Variants in SHQ1 observed in about 807,000 individuals in gnomAD.
SHQ1 encodes protein SHQ1 homolog.
SHQ1 carries 49 observed loss-of-function variants against 53.8 expected under a neutral mutation model. The ratio of observed to expected loss-of-function variants is 0.91; its 90% CI spans 0.72 to 1.16. SHQ1 has a LOEUF of 1.16. Among genes scored for constraint, SHQ1 ranks in the 50% most tolerant of loss-of-function variants. SHQ1 has a pLI of 0.00. For synonymous variants in SHQ1, 243 were observed against 251.0 expected (o/e 0.97, Z 0.30); for missense variants, 738 against 683.1 (o/e 1.08, Z -0.90).
chr3:72,820,036 G>C (rs1440925952), intron 6 of SHQ1, among the ~76,000 whole-genome samples: 1 of 152,154 alleles, frequency 6.6e-6, no homozygotes, highest in Non-Finnish European at 1.5e-5. Context: ...TCTCTGACTA[G>C]AGAAAAGTCT....
intron 10 of SHQ1, among the ~76,000 whole-genome samples, chr3:72,763,114 G>A (rs1236798919): frequency 2.6e-5 from 4 of 151,466 alleles, no homozygotes; most frequent in Non-Finnish European, 5.9e-5. Flanking sequence ...TCTAGTACAA[G>A]GCAGAGAATA....
intron 1 of SHQ1, chr3:72,846,228 A>T (rs1313603971): frequency 6.5e-7 from 1 of 1,535,780 alleles, no homozygotes; most frequent in South Asian, 1.2e-5. Context: ...GGGCCTCCGC[A>T]GCTACAGTCT....
Position 72,817,175 on chromosome 3 carries a change from T to C in SHQ1, c.882+55A>G, listed in dbSNP as rs1707342922. The C allele has an allele frequency of 2.8e-5, 43 of 1,545,128 alleles. No individual in the cohort carries two copies. In the South Asian group the frequency reaches 5.2e-4, roughly 19 times the overall value. On this transcript the variant is annotated intron_variant, in intron 7 of 10. Coordinates refer to ENST00000325599, the MANE Select transcript of SHQ1 (RefSeq NM_018130.3). ...TAGACAAGAAAGACTGATGCTTTAA[T>C]GCAGTTTACTCAGCACAGTCATCTA...
intron 10 of SHQ1, chr3:72,753,144 C>T (rs1705424928): frequency 3.0e-6 from 3 of 985,358 alleles, no homozygotes; most frequent in East Asian, 1.1e-4. Context: ...TCTGATGTGA[C>T]AACTGAAGAA....
intron 10 of SHQ1, among the ~76,000 whole-genome samples, chr3:72,777,828 G>A (rs1705988104): frequency 6.6e-6 from 1 of 152,146 alleles, no homozygotes; most frequent in Non-Finnish European, 1.5e-5. Context: ...ATAACAGACA[G>A]ACAAACAGCA....
At chr3:72,793,904 T>C (rs147868190) in intron 9 of SHQ1, 187 of 152,360 alleles carry the variant, frequency 1.2e-3, no homozygotes, top group African/African-American at 4.1e-3. Context: ...TATTAAAGCC[T>C]TGTTCAACCT....
chr3:72,813,858 T>C (rs1484831416), intron 8 of SHQ1, among the ~76,000 whole-genome samples: 3 of 137,876 alleles, frequency 2.2e-5, no homozygotes, highest in Non-Finnish European at 4.6e-5. Context: ...GCACTGGACA[T>C]GGGTAATACA....
At chr3:72,740,907 T>C in the SHQ1 span, among the ~76,000 whole-genome samples, 1 of 152,194 alleles carries the variant, frequency 6.6e-6, no homozygotes, top group Non-Finnish European at 1.5e-5. Context: ...GCAAGACTGA[T>C]TCCAGATTCA....
chr3:72,769,745 A>C (rs553922876), intron 10 of SHQ1, among the ~76,000 whole-genome samples: 9 of 152,276 alleles, frequency 5.9e-5, no homozygotes, highest in African/African-American at 2.2e-4. Context: ...TTGTCTCTAC[A>C]ACCAGTCTAA....
intron 10 of SHQ1, among the ~76,000 whole-genome samples, chr3:72,772,065 T>G (rs1187210584): frequency 6.6e-6 from 1 of 152,188 alleles, no homozygotes; most frequent in African/African-American, 2.4e-5. Context: ...ACTTTTCAGT[T>G]CTGTGACTGG....
At chr3:72,805,964 A>T (rs1391789772) in intron 9 of SHQ1, among the ~76,000 whole-genome samples, 3 of 152,180 alleles carry the variant, frequency 2.0e-5, no homozygotes, top group Non-Finnish European at 4.4e-5. Context: ...GGTGATTAAC[A>T]ATATTTAGAA....
intron 10 of SHQ1, among the ~76,000 whole-genome samples, chr3:72,756,649 C>G (rs765980823): frequency 6.6e-6 from 1 of 152,112 alleles, no homozygotes; most frequent in African/African-American, 2.4e-5. Flanking sequence ...AATGAAGAGA[C>G]GCTGCATTTA....
intron 10 of SHQ1, among the ~76,000 whole-genome samples, chr3:72,757,298 G>A (rs911802302): frequency 2.6e-5 from 4 of 151,996 alleles, no homozygotes; most frequent in East Asian, 1.9e-4. Context: ...TGGCTAACTC[G>A]GCCTTTTAAT....
At chr3:72,825,374 A>G (rs1358663908) in intron 5 of SHQ1, among the ~76,000 whole-genome samples, 1 of 151,596 alleles carries the variant, frequency 6.6e-6, no homozygotes, top group South Asian at 2.1e-4. Flanking sequence ...ACACACACAC[A>G]CACACACACA....
chr3:72,815,859 A>G (rs775552984), intron 7 of SHQ1, among the ~76,000 whole-genome samples: 3 of 152,196 alleles, frequency 2.0e-5, no homozygotes, highest in Non-Finnish European at 4.4e-5. Flanking sequence ...GAATAAGTAA[A>G]TGCTAGAGAA....
rs889425120 is a variant in SHQ1, at chr3:72,823,330, T to A, written c.727+1094A>T. Among the ~76,000 whole-genome samples the A allele has an allele frequency of 2.6e-5, 4 of 152,284 alleles. No homozygotes were observed. The South Asian group carries it at 8.3e-4, about 32-fold the overall frequency. On this transcript the variant is annotated intron_variant, in intron 6 of 10. Transcript: ENST00000325599. ...TTTATAGATATTTACTGAGTACCTT[T>A]ATATAACAGGCACTATACTAGACAC...
At chr3:72,822,603 C>T (rs2209) in intron 6 of SHQ1, among the ~76,000 whole-genome samples, 7,586 of 152,238 alleles carry the variant, frequency 0.05, 554 homozygotes, top group African/African-American at 0.16. Context: ...TTTTCTCCCA[C>T]ACCACCTCAT....
At chr3:72,847,354 T>TAAAG (rs1335121918) in intron 1 of SHQ1, among the ~76,000 whole-genome samples, 2 of 152,102 alleles carry the variant, frequency 1.3e-5, no homozygotes, top group African/African-American at 4.8e-5. Flanking sequence ...GGAGGATGGA[T>TAAAG]AAAGAGAAGG....
In SHQ1 at chr3:72,750,943, G is replaced by T. The variant is rs1009959798; in HGVS notation, c.1182-107C>A. ...TAAAGTTGAATCCATATTTTAAATG[G>T]CACACCAGGATATATATCATAACAG... is the stretch of plus-strand genomic sequence containing the variant. On this transcript the variant is annotated intron_variant, in intron 10 of 10. Coordinates refer to ENST00000325599, the MANE Select transcript of SHQ1 (RefSeq NM_018130.3). 28 of 849,290 alleles carry T rather than the reference G, an allele frequency of 3.3e-5. No individual in the cohort carries two copies. The Admixed American group carries it at 8.2e-4, about 25-fold the overall frequency. 52.6% of individuals were successfully genotyped at this position (849,290 alleles called of 1,614,324 possible).
Sources: allele counts gnomAD v4.1 joint callset (sites outside exome capture counted in the v4.1 genomes callset), GRCh38; gene constraint gnomAD v4.1.1; transcripts MANE v1.5; gene names NCBI Gene and HGNC (gene_info 2026-07-23, HGNC 2026-07-21).